Variants in NOSIP observed in about 807,000 individuals in gnomAD.
NOSIP encodes nitric oxide synthase interacting protein.
A neutral mutation model predicts 36.4 loss-of-function variants in NOSIP; 25 were observed. That is an observed-to-expected ratio of 0.69 (90% confidence interval 0.50 to 0.96). The LOEUF (loss-of-function observed/expected upper bound fraction) is 0.96, where lower values mean the gene tolerates loss of function less well. Ranked by LOEUF, NOSIP falls within the 40% of genes least tolerant of loss-of-function variation. The pLI is 0.00. For missense variants in NOSIP, 370 were observed against 429.0 expected (o/e 0.86, Z 1.21); for synonymous variants, 187 against 179.2 (o/e 1.04, Z -0.35).
intron 1 of NOSIP, among the ~76,000 whole-genome samples, chr19:49,574,463 T>G (rs1341195587): frequency 6.6e-6 from 1 of 152,182 alleles, no homozygotes; most frequent in Non-Finnish European, 1.5e-5. Flanking sequence ...AGTCACAGGA[T>G]GCTAATTCTT....
intron 1 of NOSIP, among the ~76,000 whole-genome samples, chr19:49,569,060 C>T (rs1416021746): frequency 6.6e-6 from 1 of 151,614 alleles, no homozygotes; most frequent in Non-Finnish European, 1.5e-5. Context: ...CTTGGCCTCC[C>T]AGAGTGCTGG....
intron 1 of NOSIP, among the ~76,000 whole-genome samples, chr19:49,570,185 A>G (rs181315057): frequency 1.3e-5 from 2 of 152,302 alleles, no homozygotes; most frequent in African/African-American, 4.8e-5. Context: ...CATTCAGGAA[A>G]GATTGTCTCC....
In NOSIP at chr19:49,557,753, C is replaced by G. The variant is rs1008109508; in HGVS notation, c.259-504G>C. On this transcript the variant is annotated intron_variant, in intron 4 of 8. Transcript: ENST00000596358. Reference sequence around the variant, plus strand: ...TCTATGGACGGACAGTGAGTGAGGACGGGAGAAGTGAAGCCATGACCTGAG... The same window carrying G: ...TCTATGGACGGACAGTGAGTGAGGAGGGGAGAAGTGAAGCCATGACCTGAG... The G allele has an allele frequency of 6.1e-6, 6 of 989,800 alleles. No homozygotes were observed. The East Asian group carries it at 3.4e-4, about 56-fold the overall frequency. 61.3% of individuals were successfully genotyped at this position (989,800 alleles called of 1,614,324 possible). A position where few individuals can be genotyped will look rare whatever the true frequency, so the allele number is the denominator to read the frequency against.
At chr19:49,556,503 C>G in intron 7 of NOSIP, 46 bp downstream of exon 7, 1 of 1,607,414 alleles carries the variant, frequency 6.2e-7, no homozygotes, top group Non-Finnish European at 8.5e-7. Flanking sequence ...CGGACCGCCC[C>G]GCAGGTTCCC....
At position 49,559,992 on chromosome 19, in the gene NOSIP, C is replaced by T. The variant is rs768366062; in HGVS notation, c.118G>A (p.Val40Met). 1.7e-5 allele frequency: 27 copies of T among 1,613,804 alleles called. No homozygotes were observed. Among genetic ancestry groups the T allele is most frequent in the South Asian group, 2.2e-5 (2 of 91,040 alleles). The change falls in exon 3 of 9, where the codon GTG (valine) becomes ATG (methionine). Residue 40 changes from valine to methionine, a missense_variant. Val to Met is a conservative substitution (Grantham distance 21, BLOSUM62 1). Coordinates refer to ENST00000596358, the MANE Select transcript of NOSIP (RefSeq NM_001270960.2). Reference sequence around the variant, plus strand: ...AGACAACAGCAGTCGAAGTCCTTCACGGCATCCCGGCTCAGTCGAATGTTC... The same window carrying T: ...AGACAACAGCAGTCGAAGTCCTTCATGGCATCCCGGCTCAGTCGAATGTTC... ...TQNIRLSRDA[V>M]KDFDCCCLSL...
chr19:49,569,402 G>A (rs2080455781), intron 1 of NOSIP, among the ~76,000 whole-genome samples: 1 of 146,460 alleles, frequency 6.8e-6, no homozygotes, highest in South Asian at 2.2e-4. Context: ...GTTTCACCAT[G>A]TTAGCCAGGA....
At chr19:49,579,144 A>T (rs1329605897) in intron 1 of NOSIP, 6 of 152,194 alleles carry the variant, frequency 3.9e-5, no homozygotes, top group Non-Finnish European at 8.8e-5. Flanking sequence ...ACTTAACTAT[A>T]TCCTGATTCC....
chr19:49,555,954 G>T, intron 8 of NOSIP, 132 bp from the exon 9 acceptor site: 2 of 662,960 alleles, frequency 3.0e-6, no homozygotes, highest in South Asian at 3.4e-5. Context: ...GAGTTGGGGA[G>T]GGGGCGAGGC....
intron 4 of NOSIP, chr19:49,557,722 C>A: frequency 1.0e-6 from 1 of 994,260 alleles, no homozygotes; most frequent in Non-Finnish European, 1.2e-6. Flanking sequence ...TGCTGAGGAG[C>A]CCATGTCTAT....
chr19:49,563,496 CTTT>C (rs35076085), intron 1 of NOSIP, among the ~76,000 whole-genome samples: 1 of 135,832 alleles, frequency 7.4e-6, no homozygotes, highest in Non-Finnish European at 1.6e-5. Context: ...CTTGAAAATT[CTTT>C]TTTTTTTTTT....
At chr19:49,562,516 A>G (rs1263926395) in intron 1 of NOSIP, among the ~76,000 whole-genome samples, 2 of 152,042 alleles carry the variant, frequency 1.3e-5, no homozygotes, top group Non-Finnish European at 2.9e-5. Flanking sequence ...AAGCAAGAGG[A>G]CTGTTGAGCC....
chr19:49,571,897 A>T (rs1029535792), intron 1 of NOSIP, among the ~76,000 whole-genome samples: 1 of 146,228 alleles, frequency 6.8e-6, no homozygotes, highest in African/African-American at 2.6e-5. Flanking sequence ...AGGCAGAAGA[A>T]TCGCTTGAAC....
chr19:49,556,492 C>A (rs2080248404), intron 7 of NOSIP, 57 bp downstream of exon 7: 1 of 1,607,814 alleles, frequency 6.2e-7, no homozygotes, highest in Non-Finnish European at 8.5e-7. Context: ...GGCCCCAAAG[C>A]CGGACCGCCC....
intron 4 of NOSIP, chr19:49,558,569 A>AT (rs2080288812): frequency 4.0e-6 from 1 of 249,140 alleles, no homozygotes; most frequent in Admixed American, 4.9e-5. Flanking sequence ...CATTTAGCAT[A>AT]TCTTTACTAA....
Position 49,556,401 on chromosome 19 carries a change from G to A in NOSIP, c.750C>T (p.Cys250=), listed in dbSNP as rs555844856. Residue 250 remains cysteine, a synonymous_variant, in exon 8 of 9, where the codon TGC becomes TGT. Transcript: ENST00000596358. Reference sequence around the variant, plus strand: ...TGTCCTTCCGAATCAGCTTCTCCACGCATTCGAGGGTGACCACAGCCCCAC... The same window carrying A: ...TGTCCTTCCGAATCAGCTTCTCCACACATTCGAGGGTGACCACAGCCCCAC... ...RPSGAVVTLE[C]VEKLIRKDMV... 5.6e-6 allele frequency: 9 copies of A among 1,613,602 alleles called. No homozygotes were observed. In the Admixed American group the frequency reaches 1.3e-4, roughly 24 times the overall value.
chr19:49,558,775 G>A (rs2080291130), intron 4 of NOSIP, 122 bp downstream of exon 4: 2 of 821,568 alleles, frequency 2.4e-6, no homozygotes, highest in African/African-American at 1.7e-5. Context: ...CCGGAAGCAG[G>A]GGAGGGGAAT....
chr19:49,561,629 C>A (rs1319626723), intron 1 of NOSIP, among the ~76,000 whole-genome samples: 1 of 152,162 alleles, frequency 6.6e-6, no homozygotes, highest in Non-Finnish European at 1.5e-5. Context: ...CGCCTGTAAT[C>A]TCAGCACTTT....
chr19:49,559,954 A>G lies in NOSIP; in HGVS notation c.156T>C (p.Pro52=). The change falls in exon 3 of 9, where the codon CCT becomes CCC. Residue 52 remains proline (P), a synonymous_variant. Coordinates refer to ENST00000596358, the MANE Select transcript of NOSIP (RefSeq NM_001270960.2). ...DFDCCCLSLQ[P]CHDPVVTPDG... ...CTCACGTGACAACAGGATCGTGGCAAGGCTGCAGGGAGAGACAACAGCAGT... is the reference window on the plus strand; with the variant it reads ...CTCACGTGACAACAGGATCGTGGCAGGGCTGCAGGGAGAGACAACAGCAGT... 1 of 1,613,362 alleles carries G rather than the reference A, an allele frequency of 6.2e-7. No individual in the cohort carries two copies. Among genetic ancestry groups the G allele is most frequent in the Non-Finnish European group, 8.5e-7 (1 of 1,179,474 alleles).
chr19:49,557,079 A>G lies in NOSIP; in HGVS notation c.418+11T>C, dbSNP rs754158524. The G allele has an allele frequency of 9.3e-6, 15 of 1,608,048 alleles. No individual in the cohort carries two copies. The highest frequency in any genetic ancestry group is 1.3e-5 in the Non-Finnish European group (15 of 1,177,202). On this transcript the variant is annotated intron_variant, in intron 5 of 8. Coordinates refer to ENST00000596358, the MANE Select transcript of NOSIP (RefSeq NM_001270960.2). The stretch of plus-strand genomic sequence containing the variant: ...CGCCCCCCAACCCACAAGAAGCCCA[A>G]CCTGAGTCACCTGGGCTGGTGCCCG...
Sources: gnomAD v4.1 joint callset for allele counts (sites outside exome capture counted in the v4.1 genomes callset) on GRCh38, gnomAD v4.1.1 for gene constraint, MANE v1.5 for transcripts, NCBI Gene and HGNC (gene_info 2026-07-23, HGNC 2026-07-21) for gene names.